POLE2: variants seen among roughly 807,000 people sequenced by gnomAD.
POLE2 encodes DNA polymerase epsilon subunit 2.
In POLE2, 56 loss-of-function variants were observed where a neutral mutation model predicts 79.4. That is an observed-to-expected ratio of 0.71 (90% confidence interval 0.57 to 0.88). The LOEUF is 0.88. POLE2 is among the 40% of genes least tolerant of loss of function. POLE2 has a pLI of 0.00. For synonymous variants in POLE2, 212 were observed against 214.0 expected (o/e 0.99, Z 0.08); for missense variants, 598 against 638.9 (o/e 0.94, Z 0.69).
At chr14:49,676,152 A>T (rs1185375688) in intron 3 of POLE2, among the ~76,000 whole-genome samples, 2 of 152,214 alleles carry the variant, frequency 1.3e-5, no homozygotes, top group Non-Finnish European at 2.9e-5. Flanking sequence ...TATACAATAT[A>T]TATATAGTGT....
intron 17 of POLE2, among the ~76,000 whole-genome samples, chr14:49,648,168 T>C (rs1414484645): frequency 6.6e-6 from 1 of 152,258 alleles, no homozygotes; most frequent in Non-Finnish European, 1.5e-5. Context: ...GTTTGTCTAC[T>C]ATGAAACTCT....
intron 10 of POLE2, among the ~76,000 whole-genome samples, chr14:49,658,781 C>T (rs1019438157): frequency 7.2e-5 from 11 of 152,182 alleles, no homozygotes; most frequent in African/African-American, 2.7e-4. Flanking sequence ...TAGGAAAGTA[C>T]AGCACATATA....
rs571171115 is a variant in POLE2, at chr14:49,680,853, G to A, written c.170-1053C>T. Among the ~76,000 whole-genome samples, 5 of 151,698 alleles carry A rather than the reference G, an allele frequency of 3.3e-5. No homozygotes were observed. In the East Asian group the frequency reaches 5.8e-4, roughly 18 times the overall value. ...TCACTGTGTTAGCCAGGATGGTCTCGATCTCCTGACCTCGTGATCCGCCCG... is the reference window on the plus strand; with the variant it reads ...TCACTGTGTTAGCCAGGATGGTCTCAATCTCCTGACCTCGTGATCCGCCCG... On this transcript the variant is annotated intron_variant, in intron 2 of 18. Transcript: ENST00000216367.
At chr14:49,644,852 C>G (rs370182457) in intron 18 of POLE2, among the ~76,000 whole-genome samples, 4 of 151,964 alleles carry the variant, frequency 2.6e-5, no homozygotes, top group Non-Finnish European at 5.9e-5. Context: ...ACCAGCCTGG[C>G]CAACATGGTG....
At chr14:49,662,972 A>G (rs2139645231) in intron 10 of POLE2, among the ~76,000 whole-genome samples, 1 of 152,386 alleles carries the variant, frequency 6.6e-6, no homozygotes, top group South Asian at 2.1e-4. Context: ...TGGAATATAA[A>G]AATGAGAATT....
chr14:49,676,157 T>C (rs1353508331), intron 3 of POLE2, among the ~76,000 whole-genome samples: 2 of 152,166 alleles, frequency 1.3e-5, no homozygotes, highest in Non-Finnish European at 2.9e-5. Flanking sequence ...AATATATATA[T>C]AGTGTTAGAG....
intron 10 of POLE2, among the ~76,000 whole-genome samples, chr14:49,657,089 G>A (rs1401245667): frequency 1.3e-5 from 2 of 148,272 alleles, no homozygotes; most frequent in Admixed American, 1.4e-4. Context: ...CTCCAGCTTG[G>A]GCAACAAAGC....
chr14:49,679,540 C>A (rs1886546029), intron 3 of POLE2, 185 bp downstream of exon 3: 1 of 512,602 alleles, frequency 2.0e-6, no homozygotes, highest in Non-Finnish European at 3.5e-6. Context: ...CCAGGAAAAA[C>A]CAGTAAAGAT....
intron 3 of POLE2, among the ~76,000 whole-genome samples, chr14:49,676,931 A>G (rs1886319679): frequency 6.6e-6 from 1 of 152,238 alleles, no homozygotes; most frequent in Non-Finnish European, 1.5e-5. Flanking sequence ...CTCATCCTGG[A>G]CGAGCCCTTT....
intron 1 of POLE2, among the ~76,000 whole-genome samples, chr14:49,685,664 G>T (rs1362446154): frequency 6.6e-6 from 1 of 151,778 alleles, no homozygotes; most frequent in Admixed American, 6.6e-5. Flanking sequence ...TCTTACCCAG[G>T]CTGAAGTGCA....
chr14:49,687,300 C>CCACACA (rs60811856), intron 1 of POLE2, among the ~76,000 whole-genome samples: 6,908 of 139,752 alleles, frequency 0.049, 198 homozygotes, highest in Middle Eastern at 0.077. Context: ...TACACACACA[C>CCACACA]CACACACACA....
At chr14:49,685,323 A>C (rs980843086) in intron 1 of POLE2, among the ~76,000 whole-genome samples, 22 of 152,182 alleles carry the variant, frequency 1.4e-4, no homozygotes, top group African/African-American at 5.1e-4. Flanking sequence ...GATAACTTTA[A>C]AACTGTAACT....
rs1886107463 is a variant in POLE2, at chr14:49,674,390, G to A, written c.283C>T (p.Pro95Ser). 2 of 1,610,816 alleles carry A rather than the reference G, an allele frequency of 1.2e-6. No homozygotes were observed. Among genetic ancestry groups the A allele is most frequent in the Non-Finnish European group, 1.7e-6 (2 of 1,177,302 alleles). ...VFNIIGAFDI[P>S]RFVYNSERKK... ...CTTTCTGAATTGTACACAAAGCGTG[G>A]AATATCAAATGCTCCTATGATATTG... The change falls in exon 4 of 19, where the codon CCA becomes TCA. Residue 95 changes from proline to serine, a missense_variant. Transcript: ENST00000216367.
Position 49,665,096 on chromosome 14 carries a change from G to T in POLE2, c.633+11C>A. On this transcript the variant is annotated intron_variant, in intron 8 of 18. Transcript: ENST00000216367. ...TGCAGATTTTAAAAAATACAGACAA[G>T]TGAAGGATATAGCTTTACTAAGGTC... is the stretch of plus-strand genomic sequence containing the variant. 1 of 1,225,400 alleles carries T rather than the reference G, an allele frequency of 8.2e-7. No individual in the cohort carries two copies. Among genetic ancestry groups the T allele is most frequent in the Non-Finnish European group, 1.2e-6 (1 of 836,918 alleles). The allele number at this position is 1,225,400 out of a possible 1,614,324, so 75.9% of individuals were successfully genotyped here.
In POLE2 at chr14:49,650,336, C is replaced by T. The variant is rs769049019; in HGVS notation, c.1426G>A (p.Asp476Asn). 14 of 1,611,190 alleles carry T rather than the reference C, an allele frequency of 8.7e-6. No homozygotes were observed. The highest frequency in any genetic ancestry group is 4.5e-5 in the East Asian group (2 of 44,704). The change falls in exon 17 of 19, where the codon GAT becomes AAT. Residue 476 changes from aspartate (D) to asparagine (N), a missense_variant. Physicochemically the swap from Asp to Asn is conservative, Grantham distance 23. Coordinates refer to ENST00000216367, the MANE Select transcript of POLE2 (RefSeq NM_002692.4). ...TATTTGTCTGCAATGACAAGTAGAT[C>T]GGGCACAGGATACACTCTCAAAGCA... ...DYALRVYPVP[D>N]LLVIADKYDP...
In POLE2 at chr14:49,643,651, C is replaced by A. The variant is rs763503805; in HGVS notation, c.*1G>T. 1.4e-6 allele frequency: 2 copies of A among 1,405,990 alleles called. No individual in the cohort carries two copies. Among genetic ancestry groups the A allele is most frequent in the South Asian group, 1.2e-5 (1 of 80,132 alleles). The allele number at this position is 1,405,990 out of a possible 1,614,324, so 87.1% of individuals were successfully genotyped here. A position where few individuals can be genotyped will look rare whatever the true frequency, so the allele number is the denominator to read the frequency against. ...TTTTCTTCAGATGATCTTTAAGAAT[C>A]TCAAAAGCCTTGAAGTTTGCTGAAA... On this transcript the variant is annotated 3_prime_UTR_variant, in exon 19 of 19. Coordinates refer to ENST00000216367, the MANE Select transcript of POLE2 (RefSeq NM_002692.4).
Position 49,679,796 on chromosome 14 carries a change from T to C in POLE2, c.174A>G (p.Ser58=). The change falls in exon 3 of 19, where the codon TCA becomes TCG. Residue 58 remains serine (S), a synonymous_variant. Coordinates refer to ENST00000216367, the MANE Select transcript of POLE2 (RefSeq NM_002692.4). ...IINAVEKQPL[S]SNMIERSVVE... Reference sequence around the variant, plus strand: ...CCACAGATCGTTCAATCATGTTTGATGACACTGAAAAGAGAATTTCAAAGT... The same window carrying C: ...CCACAGATCGTTCAATCATGTTTGACGACACTGAAAAGAGAATTTCAAAGT... The C allele has an allele frequency of 1.3e-6, 2 of 1,581,546 alleles. No homozygotes were observed. The highest frequency in any genetic ancestry group is 4.5e-5 in the East Asian group (2 of 44,702).
At chr14:49,659,837 A>C (rs1483605601) in intron 10 of POLE2, among the ~76,000 whole-genome samples, 4 of 152,234 alleles carry the variant, frequency 2.6e-5, no homozygotes, top group Admixed American at 6.5e-5. Context: ...CACTCCCTTC[A>C]GCCTCCCAAA....
At chr14:49,651,833 GAGGGACTTA>G (rs1361495700) in intron 15 of POLE2, among the ~76,000 whole-genome samples, 7 of 152,234 alleles carry the variant, frequency 4.6e-5, no homozygotes, top group Non-Finnish European at 1.0e-4. Flanking sequence ...TGAAGCGGAA[GAGGGACTTA>G]GTCAAGCAGA....
Sources: gnomAD v4.1 joint callset for allele counts (sites outside exome capture counted in the v4.1 genomes callset) on GRCh38, gnomAD v4.1.1 for gene constraint, MANE v1.5 for transcripts, NCBI Gene and HGNC (gene_info 2026-07-23, HGNC 2026-07-21) for gene names.